The following SGCZ variants were observed in gnomAD, a reference collection of about 807,000 sequenced individuals.
SGCZ encodes sarcoglycan zeta, also known as zeta-sarcoglycan.
A neutral mutation model predicts 41.3 loss-of-function variants in SGCZ; 40 were observed. That is an observed-to-expected ratio of 0.97 (90% CI 0.75 to 1.26). The LOEUF (loss-of-function observed/expected upper bound fraction) is 1.26, where lower values mean the gene tolerates loss of function less well. Ranked by LOEUF, SGCZ falls within the 50% of genes most tolerant of loss-of-function variation. SGCZ has a pLI of 0.00. For missense variants in SGCZ, 552 were observed against 369.8 expected (o/e 1.49, Z -4.04); for synonymous variants, 206 against 137.5 (o/e 1.50, Z -3.49).
Position 15,124,398 on chromosome 8 carries a change from T to C in SGCZ, c.39+113187A>G, listed in dbSNP as rs1320822976. 2.0e-5 allele frequency among the ~76,000 whole-genome samples: 3 copies of C among 152,290 alleles called. No homozygotes were observed. In the East Asian group the frequency reaches 5.8e-4, roughly 29 times the overall value. On this transcript the variant is annotated intron_variant, in intron 1 of 7. Coordinates refer to ENST00000382080, the MANE Select transcript of SGCZ (RefSeq NM_139167.4). ...CACAAGCCTTAATTATTAAAATGGA[T>C]CATTGCAACCTGATGATGGGGCAAA...
At chr8:15,100,009 C>CA (rs554539036) in intron 1 of SGCZ, among the ~76,000 whole-genome samples, 3 of 151,748 alleles carry the variant, frequency 2.0e-5, no homozygotes, top group Admixed American at 1.3e-4. Flanking sequence ...CTTTAATGTT[C>CA]AAAAAAAGAG....
chr8:14,515,782 T>A (rs545218380), intron 2 of SGCZ, among the ~76,000 whole-genome samples: 1 of 152,094 alleles, frequency 6.6e-6, no homozygotes, highest in South Asian at 2.1e-4. Flanking sequence ...GTGAGCCAAT[T>A]TTCTAGCACC....
At chr8:14,344,880 A>G (rs1036357897) in intron 2 of SGCZ, among the ~76,000 whole-genome samples, 2 of 152,084 alleles carry the variant, frequency 1.3e-5, no homozygotes, top group Non-Finnish European at 2.9e-5. Flanking sequence ...AACGTGAAGT[A>G]ATGAGAATTT....
At chr8:14,804,628 G>C (rs953432548) in intron 1 of SGCZ, among the ~76,000 whole-genome samples, 3 of 145,896 alleles carry the variant, frequency 2.1e-5, no homozygotes, top group Non-Finnish European at 4.5e-5. Flanking sequence ...GTGATGCAGA[G>C]AATGGAACCA....
chr8:14,259,445 T>C (rs1394267860), intron 3 of SGCZ, among the ~76,000 whole-genome samples: 1 of 151,018 alleles, frequency 6.6e-6, no homozygotes, highest in Non-Finnish European at 1.5e-5. Context: ...TGGTTTTAGG[T>C]CGAACGTTTA....
chr8:14,839,997 C>G (rs1487640515), intron 1 of SGCZ, among the ~76,000 whole-genome samples: 2 of 151,906 alleles, frequency 1.3e-5, no homozygotes, highest in South Asian at 4.1e-4. Context: ...ATATTTTGTG[C>G]CTTTGTTTTT....
intron 5 of SGCZ, among the ~76,000 whole-genome samples, chr8:14,120,109 G>C (rs1279838677): frequency 2.6e-5 from 4 of 152,096 alleles, no homozygotes; most frequent in African/African-American, 9.7e-5. Flanking sequence ...CCTAGGGATA[G>C]ATACCAAATT....
At chr8:15,034,141 G>A (rs914659824) in intron 1 of SGCZ, among the ~76,000 whole-genome samples, 1 of 152,118 alleles carries the variant, frequency 6.6e-6, no homozygotes, top group Non-Finnish European at 1.5e-5. Flanking sequence ...ACCCCAAACA[G>A]TCTGACAAAG....
At chr8:14,563,574 C>T (rs1309449966) in intron 1 of SGCZ, among the ~76,000 whole-genome samples, 5 of 152,136 alleles carry the variant, frequency 3.3e-5, no homozygotes, top group African/African-American at 1.2e-4. Flanking sequence ...ATTATCCCAC[C>T]TAAATGTGTG....
intron 3 of SGCZ, among the ~76,000 whole-genome samples, chr8:14,260,235 C>T (rs1417625999): frequency 2.6e-5 from 4 of 151,806 alleles, no homozygotes; most frequent in Non-Finnish European, 5.9e-5. Flanking sequence ...ACAATGAACT[C>T]AAACAAATTT....
intron 1 of SGCZ, among the ~76,000 whole-genome samples, chr8:15,076,410 A>G (rs1042705041): frequency 6.6e-6 from 1 of 152,224 alleles, no homozygotes; most frequent in Non-Finnish European, 1.5e-5. Flanking sequence ...GTGATTGCAG[A>G]AAGAGTTTGA....
At chr8:14,516,192 A>T (rs971095600) in intron 2 of SGCZ, among the ~76,000 whole-genome samples, 1 of 151,848 alleles carries the variant, frequency 6.6e-6, no homozygotes, top group East Asian at 1.9e-4. Context: ...AAGGTTTGAT[A>T]CATCGTAAAC....
intron 1 of SGCZ, among the ~76,000 whole-genome samples, chr8:15,074,800 G>A (rs1010758709): frequency 1.3e-5 from 2 of 152,064 alleles, no homozygotes; most frequent in Admixed American, 1.3e-4. Flanking sequence ...GGAATACATA[G>A]TTTTATCTTT....
intron 1 of SGCZ, among the ~76,000 whole-genome samples, chr8:15,015,743 G>A (rs1456470951): frequency 4.7e-5 from 7 of 148,418 alleles, no homozygotes; most frequent in East Asian, 2.0e-4. Context: ...GTGTGTGTGT[G>A]TGTGTGTGTG....
At chr8:14,798,118 T>G (rs1024558807) in intron 1 of SGCZ, among the ~76,000 whole-genome samples, 4 of 152,244 alleles carry the variant, frequency 2.6e-5, no homozygotes, top group African/African-American at 9.6e-5. Context: ...ATACTATCCC[T>G]GTTTTCAAGA....
intron 1 of SGCZ, among the ~76,000 whole-genome samples, chr8:14,696,409 T>C (rs930227066): frequency 6.6e-6 from 1 of 152,088 alleles, no homozygotes; most frequent in African/African-American, 2.4e-5. Context: ...TAACAAGCTG[T>C]TTATTAAAGC....
At chr8:14,346,867 G>A (rs1802906752) in intron 2 of SGCZ, among the ~76,000 whole-genome samples, 1 of 151,790 alleles carries the variant, frequency 6.6e-6, no homozygotes, top group African/African-American at 2.4e-5. Context: ...TAAAGTTTAG[G>A]GCGTTTCCTT....
chr8:14,508,448 T>C (rs1386522433), intron 2 of SGCZ, among the ~76,000 whole-genome samples: 3 of 152,188 alleles, frequency 2.0e-5, no homozygotes, highest in African/African-American at 7.2e-5. Flanking sequence ...AAGATCCACC[T>C]GCCATGACTG....
intron 1 of SGCZ, among the ~76,000 whole-genome samples, chr8:15,164,457 C>T (rs1019611766): frequency 6.6e-6 from 1 of 152,064 alleles, no homozygotes; most frequent in African/African-American, 2.4e-5. Context: ...TGGCAGTCCC[C>T]GCCACGTGCT....
Sources: allele counts gnomAD v4.1 joint callset (sites outside exome capture counted in the v4.1 genomes callset), GRCh38; gene constraint gnomAD v4.1.1; transcripts MANE v1.5; gene names NCBI Gene and HGNC (gene_info 2026-07-23, HGNC 2026-07-21).